The following NCALD variants were observed in gnomAD, a reference collection of about 807,000 sequenced individuals.
NCALD encodes neurocalcin-delta.
Under a neutral mutation model 18.6 loss-of-function variants are expected in NCALD, and 10 were observed. The observed-to-expected ratio is 0.54, with a 90% confidence interval of 0.33 to 0.91. The LOEUF (loss-of-function observed/expected upper bound fraction) is 0.91. Among genes scored for constraint, NCALD ranks in the 40% least tolerant of loss-of-function variants. The pLI is 0.03. For missense variants in NCALD, 184 were observed against 247.6 expected, an observed-to-expected ratio of 0.74 and a Z score of 1.72; for synonymous variants, 88 against 87.4, an observed-to-expected ratio of 1.01 and a Z score of -0.04.
rs547386898 is a variant in NCALD at position 101,928,445 on chromosome 8, T to C, written c.-156-12587A>G. On this transcript the variant is annotated intron_variant, in intron 2 of 6. Coordinates refer to the NCALD transcript ENST00000311028. ...AAATGAAACCTTTAAAACATACACC[T>C]CTTTGGATGATAATTTTTCAACTTT... Among the ~76,000 whole-genome samples the C allele has an allele frequency of 6.1e-3, 931 of 152,168 alleles. 6 individuals are homozygous for C. Among genetic ancestry groups the C allele is most frequent in the African/African-American group, 0.02 (817 of 41,532 alleles).
chr8:101,911,125 A>T (rs549338720), intron 3 of NCALD, among the ~76,000 whole-genome samples: 1 of 152,286 alleles, frequency 6.6e-6, no homozygotes, highest in South Asian at 2.1e-4. Context: ...TAAATGAGTT[A>T]TTTTACCAAT....
At chr8:101,807,981 A>T (rs1305591020) in intron 4 of NCALD, among the ~76,000 whole-genome samples, 2 of 152,186 alleles carry the variant, frequency 1.3e-5, no homozygotes, top group Admixed American at 1.3e-4. Context: ...ATAGAGAAAA[A>T]TGAGAAGATA....
intron 2 of NCALD, among the ~76,000 whole-genome samples, chr8:101,993,771 A>C (rs1821137492): frequency 6.6e-6 from 1 of 152,244 alleles, no homozygotes; most frequent in Non-Finnish European, 1.5e-5. Context: ...GTGGCAGAAC[A>C]AACTCTGAAA....
intron 2 of NCALD, among the ~76,000 whole-genome samples, chr8:101,957,108 A>T (rs185717853): frequency 1.3e-5 from 2 of 152,266 alleles, no homozygotes; most frequent in Admixed American, 1.3e-4. Flanking sequence ...CTTTGTTGAG[A>T]GGGATCTAGT....
At chr8:102,007,916 A>C (rs1168837797) in intron 2 of NCALD, among the ~76,000 whole-genome samples, 1 of 152,176 alleles carries the variant, frequency 6.6e-6, no homozygotes, top group Non-Finnish European at 1.5e-5. Context: ...GGCAGGAGCT[A>C]GATTTTCAGT....
rs146972669 is a variant in NCALD at position 101,688,926 on chromosome 8, T to A, written c.*383A>T. 6.4e-4 allele frequency: 399 copies of A among 627,814 alleles called. 4 individuals are homozygous for A. The East Asian group carries it at 8.6e-3, about 14-fold the overall frequency. 38.9% of individuals were successfully genotyped at this position (627,814 alleles called of 1,614,324 possible). A position where few individuals can be genotyped will look rare whatever the true frequency, so the allele number is the denominator to read the frequency against. The stretch of plus-strand genomic sequence containing the variant: ...CAACAGATTCAGGTGGGGAGTTTTG[T>A]CTTTCAAACAAAAGCCCCTTGAAGC... On this transcript the variant is annotated 3_prime_UTR_variant, in exon 4 of 4. Coordinates refer to ENST00000220931, the MANE Select transcript of NCALD (RefSeq NM_032041.3).
chr8:102,039,508 T>C (rs942718621), intron 1 of NCALD, among the ~76,000 whole-genome samples: 1 of 152,138 alleles, frequency 6.6e-6, no homozygotes, highest in Non-Finnish European at 1.5e-5. Context: ...ACAATCTCAT[T>C]TGAATTTTAT....
chr8:101,812,755 T>TA (rs1813353580), intron 4 of NCALD, among the ~76,000 whole-genome samples: 1 of 152,190 alleles, frequency 6.6e-6, no homozygotes. Flanking sequence ...AGTTCCCAGT[T>TA]ACAGTCTCTG....
chr8:101,945,809 C>A (rs144404070), intron 2 of NCALD, among the ~76,000 whole-genome samples: 1,695 of 152,296 alleles, frequency 0.011, 15 homozygotes, highest in Non-Finnish European at 0.013. Context: ...TATCTCCTGC[C>A]AGGCAAGAAT....
At chr8:101,719,918 A>C (rs749083580) in intron 1 of NCALD, among the ~76,000 whole-genome samples, 7 of 152,200 alleles carry the variant, frequency 4.6e-5, no homozygotes, top group Non-Finnish European at 7.4e-5. Flanking sequence ...AAAGGTTCAG[A>C]GAGAGCGTGA....
chr8:102,042,907 T>G (rs1358404929), intron 1 of NCALD, among the ~76,000 whole-genome samples: 1 of 151,848 alleles, frequency 6.6e-6, no homozygotes, highest in Non-Finnish European at 1.5e-5. Flanking sequence ...TTCAAGGCTA[T>G]CTAACAACAG....
chr8:101,962,373 CT>C (rs912450934), intron 2 of NCALD, among the ~76,000 whole-genome samples: 2 of 152,218 alleles, frequency 1.3e-5, no homozygotes, highest in African/African-American at 2.4e-5. Flanking sequence ...ATAAACATCT[CT>C]TCCATTCAGC....
Position 101,989,648 on chromosome 8 carries a change from G to T in NCALD, c.-157+30589C>A, listed in dbSNP as rs904541112. ...ACAGGAAATATCATGTTCTTAGATTGACGGACTATAGCCCTGTTTGCTGAT... is the reference window on the plus strand; with the variant it reads ...ACAGGAAATATCATGTTCTTAGATTTACGGACTATAGCCCTGTTTGCTGAT... On this transcript the variant is annotated intron_variant, in intron 2 of 6. Transcript: ENST00000311028. Among the ~76,000 whole-genome samples, 6 of 152,274 alleles carry T rather than the reference G, an allele frequency of 3.9e-5. 1 individual carries two copies. In the South Asian group the frequency reaches 1.0e-3, roughly 26 times the overall value.
chr8:101,981,542 A>C (rs1308807945), intron 2 of NCALD, among the ~76,000 whole-genome samples: 1 of 152,234 alleles, frequency 6.6e-6, no homozygotes, highest in African/African-American at 2.4e-5. Context: ...AATTTTTCTC[A>C]TGGCTGAATT....
At chr8:102,083,627 TC>T (rs1824633280) in intron 1 of NCALD, among the ~76,000 whole-genome samples, 1 of 152,190 alleles carries the variant, frequency 6.6e-6, no homozygotes, top group Non-Finnish European at 1.5e-5. Context: ...CCCTATCCCC[TC>T]CCAGTCTCAT....
At chr8:101,891,319 T>C (rs1816870234) in intron 3 of NCALD, among the ~76,000 whole-genome samples, 1 of 152,228 alleles carries the variant, frequency 6.6e-6, no homozygotes, top group African/African-American at 2.4e-5. Context: ...CTGTTCTCCA[T>C]CTTTATAATT....
At chr8:101,878,621 G>A (rs1421482115) in intron 4 of NCALD, among the ~76,000 whole-genome samples, 1 of 152,160 alleles carries the variant, frequency 6.6e-6, no homozygotes, top group Admixed American at 6.5e-5. Flanking sequence ...TATTAATCAA[G>A]TGATCTTTAC....
chr8:101,719,951 GA>G (rs1287695344), intron 1 of NCALD, among the ~76,000 whole-genome samples: 1 of 152,194 alleles, frequency 6.6e-6, no homozygotes, highest in Admixed American at 6.5e-5. Context: ...TGAGGGCAGG[GA>G]GAGAGGGAGA....
intron 1 of NCALD, among the ~76,000 whole-genome samples, chr8:102,065,264 T>C (rs1392751300): frequency 6.6e-6 from 1 of 151,864 alleles, no homozygotes; most frequent in East Asian, 1.9e-4. Context: ...CTCTTTTTTT[T>C]TTCATATCTG....
Sources: allele counts gnomAD v4.1 joint callset (sites outside exome capture counted in the v4.1 genomes callset), GRCh38; gene constraint gnomAD v4.1.1; transcripts MANE v1.5; gene names NCBI Gene and HGNC (gene_info 2026-07-23, HGNC 2026-07-21).